Variants in WDPCP observed in about 807,000 individuals in gnomAD.
WDPCP encodes the protein WD repeat-containing and planar cell polarity effector protein fritz homolog.
A neutral mutation model predicts 93.1 loss-of-function variants in WDPCP; 71 were observed. The ratio of observed to expected loss-of-function variants is 0.76; its 90% CI spans 0.63 to 0.93. The LOEUF (loss-of-function observed/expected upper bound fraction) is 0.93. Among genes scored for constraint, WDPCP ranks in the 40% least tolerant of loss-of-function variants. The probability of loss-of-function intolerance (pLI) is 0.00; values close to 1 mark genes in which losing one functional copy is unlikely to be tolerated. For synonymous variants in WDPCP, 315 were observed against 315.0 expected (o/e 1.00, Z 0.00); for missense variants, 844 against 887.4 (o/e 0.95, Z 0.62).
At chr2:63,527,680 A>G (rs1703455255) in intron 1 of WDPCP, among the ~76,000 whole-genome samples, 1 of 152,088 alleles carries the variant, frequency 6.6e-6, no homozygotes, top group South Asian at 2.1e-4. Context: ...CAGTAAACAT[A>G]CGTGTGCATG....
intron 2 of WDPCP, among the ~76,000 whole-genome samples, chr2:63,775,977 C>T (rs1031864754): frequency 6.6e-6 from 1 of 151,468 alleles, no homozygotes; most frequent in Non-Finnish European, 1.5e-5. Context: ...GATGGGAGAA[C>T]TGCTTGAGCC....
chr2:63,223,462 T>A (rs1678010487), intron 14 of WDPCP, among the ~76,000 whole-genome samples: 1 of 152,078 alleles, frequency 6.6e-6, no homozygotes, highest in African/African-American at 2.4e-5. Context: ...ACATAAAGGC[T>A]CCCCTGGCAA....
Position 63,622,089 on chromosome 2 carries a change from G to GTTTT in WDPCP, n.488+28569_488+28570insAAAA. 7 of 549,140 alleles carry GTTTT rather than the reference G, an allele frequency of 1.3e-5. No individual in the cohort carries two copies. The South Asian group carries it at 1.7e-4, about 14-fold the overall frequency. 34.0% of individuals were successfully genotyped at this position (549,140 alleles called of 1,614,324 possible). A position where few individuals can be genotyped will look rare whatever the true frequency, so the allele number is the denominator to read the frequency against. On this transcript the variant is annotated intron_variant and non_coding_transcript_variant, in intron 3 of 4. Coordinates refer to the WDPCP transcript ENST00000467687. ...TTCTTTTTTTTTTTTTTTTTTGGAA[G>GTTTT]TTGATTTTTAATGATAAAGTACAAT...
intron 3 of WDPCP, among the ~76,000 whole-genome samples, chr2:63,635,393 C>T (rs1709910880): frequency 6.6e-6 from 1 of 152,092 alleles, no homozygotes; most frequent in Non-Finnish European, 1.5e-5. Flanking sequence ...TACCTTAATA[C>T]CTAAACCAGA....
chr2:63,170,153 C>G (rs556139909), intron 15 of WDPCP, among the ~76,000 whole-genome samples: 2 of 151,904 alleles, frequency 1.3e-5, no homozygotes, highest in South Asian at 4.2e-4. Context: ...CTTGGCCTCC[C>G]AAAGTGTTTG....
At chr2:63,324,389 C>A (rs1449842674) in intron 12 of WDPCP, among the ~76,000 whole-genome samples, 5 of 151,986 alleles carry the variant, frequency 3.3e-5, no homozygotes, top group Non-Finnish European at 7.4e-5. Context: ...TCCAAAGGAC[C>A]ACAAAAACCC....
At chr2:63,585,835 C>CTT (rs11309831) in intron 1 of WDPCP, among the ~76,000 whole-genome samples, 7 of 103,100 alleles carry the variant, frequency 6.8e-5, no homozygotes, top group Admixed American at 1.0e-4. Flanking sequence ...AAATAATTTT[C>CTT]TTTTTTTTTT....
At chr2:63,523,934 AT>A (rs1254939701) in intron 1 of WDPCP, among the ~76,000 whole-genome samples, 8 of 152,238 alleles carry the variant, frequency 5.3e-5, no homozygotes, top group African/African-American at 1.9e-4. Context: ...ATAAAAAGCA[AT>A]GTATAAAAAT....
intron 12 of WDPCP, among the ~76,000 whole-genome samples, chr2:63,347,871 C>A (rs1019130185): frequency 5.3e-5 from 8 of 152,036 alleles, no homozygotes; most frequent in African/African-American, 1.9e-4. Flanking sequence ...CATTTTGGAC[C>A]TTGCAAGTTT....
chr2:63,349,320 G>T (rs1176629796), intron 12 of WDPCP, among the ~76,000 whole-genome samples: 1 of 151,884 alleles, frequency 6.6e-6, no homozygotes, highest in Non-Finnish European at 1.5e-5. Flanking sequence ...TAGTTTAAAT[G>T]TATAGAAGTA....
intron 12 of WDPCP, among the ~76,000 whole-genome samples, chr2:63,369,638 A>G (rs1558529777): frequency 6.6e-6 from 1 of 152,176 alleles, no homozygotes; most frequent in Non-Finnish European, 1.5e-5. Context: ...CATTTGTTCA[A>G]TGTCACGCCT....
chr2:63,437,403 A>G lies in WDPCP; in HGVS notation c.633+18T>C. 6.4e-7 allele frequency: 1 copy of G among 1,574,718 alleles called. No individual in the cohort carries two copies. Among genetic ancestry groups the G allele is most frequent in the Admixed American group, 1.7e-5 (1 of 58,250 alleles). On this transcript the variant is annotated intron_variant, in intron 8 of 17. Coordinates refer to ENST00000272321, the MANE Select transcript of WDPCP (RefSeq NM_015910.7). Reference sequence around the variant, plus strand: ...CCTTAATAATTAATAATATGACTATATAAATCAAAATCTCTACCTTATAAT... The same window carrying G: ...CCTTAATAATTAATAATATGACTATGTAAATCAAAATCTCTACCTTATAAT...
At chr2:63,479,069 C>T (rs1432818054) in intron 6 of WDPCP, among the ~76,000 whole-genome samples, 1 of 151,204 alleles carries the variant, frequency 6.6e-6, no homozygotes, top group African/African-American at 2.4e-5. Context: ...CCTTTATGCC[C>T]ATAAACTAGA....
chr2:63,213,852 A>C (rs1381114883), intron 14 of WDPCP, among the ~76,000 whole-genome samples: 1 of 152,212 alleles, frequency 6.6e-6, no homozygotes, highest in African/African-American at 2.4e-5. Context: ...ACCTCTACAC[A>C]AATAAACTGG....
intron 1 of WDPCP, among the ~76,000 whole-genome samples, chr2:63,510,144 G>T (rs1329646353): frequency 6.6e-6 from 1 of 152,010 alleles, no homozygotes; most frequent in Non-Finnish European, 1.5e-5. Context: ...AAAATTTCAG[G>T]CCAATATCTC....
intron 14 of WDPCP, among the ~76,000 whole-genome samples, chr2:63,177,156 T>C (rs961886922): frequency 6.6e-6 from 1 of 152,238 alleles, no homozygotes; most frequent in African/African-American, 2.4e-5. Flanking sequence ...TTTAGATTAC[T>C]GTAGCCTTGT....
intron 2 of WDPCP, among the ~76,000 whole-genome samples, chr2:63,691,073 A>G (rs150352522): frequency 6.6e-6 from 1 of 152,236 alleles, no homozygotes; most frequent in African/African-American, 2.4e-5. Flanking sequence ...GTTATAAGCA[A>G]CAATAACATC....
chr2:63,653,573 T>C (rs1400946388), intron 2 of WDPCP, among the ~76,000 whole-genome samples: 1 of 152,108 alleles, frequency 6.6e-6, no homozygotes, highest in Non-Finnish European at 1.5e-5. Context: ...AATACAAAAA[T>C]ATCCAGCACT....
chr2:63,814,070 G>A (rs1030270593), intron 1 of WDPCP, among the ~76,000 whole-genome samples: 32 of 152,208 alleles, frequency 2.1e-4, no homozygotes, highest in African/African-American at 6.7e-4. Flanking sequence ...ATAACAAAGG[G>A]GTGGATGTAT....
Sources: gnomAD v4.1 joint callset for allele counts (sites outside exome capture counted in the v4.1 genomes callset) on GRCh38, gnomAD v4.1.1 for gene constraint, MANE v1.5 for transcripts, NCBI Gene and HGNC (gene_info 2026-07-23, HGNC 2026-07-21) for gene names.